OR2L13: variants seen among roughly 807,000 people sequenced by gnomAD.
OR2L13 encodes olfactory receptor family 2 subfamily L member 13, also known as olfactory receptor 2L13.
Under a neutral mutation model 15.3 loss-of-function variants are expected in OR2L13, and 14 were observed. That is an observed-to-expected ratio of 0.91 (90% CI 0.60 to 1.43). The LOEUF (loss-of-function observed/expected upper bound fraction) is 1.43. OR2L13 is among the 40% of genes most tolerant of loss of function. The pLI, the probability that OR2L13 is intolerant of heterozygous loss-of-function variation, is 0.00. For synonymous variants in OR2L13, 152 were observed against 142.9 expected, an observed-to-expected ratio of 1.06 and a Z score of -0.45; for missense variants, 367 against 387.9, an observed-to-expected ratio of 0.95 and a Z score of 0.45.
chr1:248,080,275 TTTTAA>T, the OR2L13 span, among the ~76,000 whole-genome samples: 2 of 152,164 alleles, frequency 1.3e-5, no homozygotes, highest in African/African-American at 4.8e-5. Context: ...TAGGTATTTA[TTTTAA>T]TTTATTAGAA....
chr1:248,005,457 G>A, the OR2L13 span, among the ~76,000 whole-genome samples: 3 of 152,066 alleles, frequency 2.0e-5, no homozygotes, highest in African/African-American at 4.8e-5. Context: ...CATGTTTGTA[G>A]TATAGTTTGA....
chr1:248,060,547 A>G, the OR2L13 span: 3 of 696,588 alleles, frequency 4.3e-6, no homozygotes, highest in African/African-American at 3.6e-5. Flanking sequence ...ATAATAGTGT[A>G]TATAGGGCTC....
the OR2L13 span, among the ~76,000 whole-genome samples, chr1:247,947,153 A>T: frequency 2.0e-5 from 3 of 152,292 alleles, no homozygotes; most frequent in East Asian, 3.9e-4. Context: ...AAGTTCTTTA[A>T]TGTTACGTGT....
chr1:248,095,874 G>A (rs1304234068), upstream of OR2L13, among the ~76,000 whole-genome samples: 2 of 150,840 alleles, frequency 1.3e-5, no homozygotes, highest in Non-Finnish European at 3.0e-5. Context: ...CAAAGTGCTG[G>A]GCTTACAGAC....
At chr1:248,006,120 C>T in the OR2L13 span, among the ~76,000 whole-genome samples, 6 of 152,192 alleles carry the variant, frequency 3.9e-5, no homozygotes, top group South Asian at 2.1e-4. Flanking sequence ...CTCTCTTCCC[C>T]GTTAGGGACA....
At chr1:248,022,921 T>C in the OR2L13 span, 1 of 1,554,956 alleles carries the variant, frequency 6.4e-7, no homozygotes, top group Non-Finnish European at 8.7e-7. Context: ...AGCGCTAGGT[T>C]CATATCAACT....
the OR2L13 span, among the ~76,000 whole-genome samples, chr1:248,078,252 G>A: frequency 3.3e-5 from 5 of 152,174 alleles, no homozygotes; most frequent in Admixed American, 2.0e-4. Flanking sequence ...GGAGGCTGAG[G>A]CGGGTGGATC....
chr1:247,938,562 A>G, the OR2L13 span, among the ~76,000 whole-genome samples: 1 of 152,208 alleles, frequency 6.6e-6, no homozygotes, highest in Non-Finnish European at 1.5e-5. Flanking sequence ...TAGGGCTAAA[A>G]AACATTTTTT....
At chr1:247,944,919 G>A in the OR2L13 span, among the ~76,000 whole-genome samples, 11 of 151,850 alleles carry the variant, frequency 7.2e-5, no homozygotes, top group African/African-American at 2.7e-4. Context: ...TCTTGCTAAT[G>A]ATCTATCTAT....
chr1:248,057,962 C>A, the OR2L13 span, among the ~76,000 whole-genome samples: 2 of 151,944 alleles, frequency 1.3e-5, no homozygotes, highest in Admixed American at 6.6e-5. Context: ...ATTTTTATTT[C>A]TTTTCTTGTT....
the OR2L13 span, among the ~76,000 whole-genome samples, chr1:248,069,570 C>T: frequency 9.9e-5 from 15 of 152,084 alleles, no homozygotes; most frequent in Admixed American, 4.6e-4. Flanking sequence ...CATCAACTGT[C>T]GAGCAAAATA....
the OR2L13 span, among the ~76,000 whole-genome samples, chr1:248,080,460 A>G: frequency 7.2e-5 from 11 of 152,180 alleles, no homozygotes; most frequent in African/African-American, 2.4e-4. Context: ...CCGGTGTGTG[A>G]TGTTCCCCTC....
chr1:248,003,902 T>C, the OR2L13 span: 11,952 of 1,612,814 alleles, frequency 7.4e-3, 98 homozygotes, highest in Non-Finnish European at 8.5e-3. Flanking sequence ...TGTCTACACC[T>C]ATCTACGTCC....
intron 1 of OR2L13, among the ~76,000 whole-genome samples, 159 bp from the exon 2 acceptor site, chr1:248,098,492 T>C (rs1664781381): frequency 6.6e-6 from 1 of 152,246 alleles, no homozygotes; most frequent in South Asian, 2.1e-4. Context: ...TTAGTGTTTA[T>C]TCCTTAGACA....
the OR2L13 span, among the ~76,000 whole-genome samples, chr1:247,969,803 A>G: frequency 6.6e-6 from 1 of 152,104 alleles, no homozygotes; most frequent in Admixed American, 6.6e-5. Context: ...CAGCAAAAGC[A>G]CCGATGAGAT....
At chr1:247,960,232 G>A in the OR2L13 span, among the ~76,000 whole-genome samples, 59 of 152,288 alleles carry the variant, frequency 3.9e-4, no homozygotes, top group African/African-American at 1.3e-3. Flanking sequence ...CTGGGTATCA[G>A]CAGCGGAGGC....
the OR2L13 span, among the ~76,000 whole-genome samples, chr1:248,059,462 C>CA: frequency 1.3e-5 from 2 of 152,086 alleles, no homozygotes; most frequent in African/African-American, 4.8e-5. Context: ...AAGGAAAAGA[C>CA]AAAATGTGTA....
chr1:248,055,101 G>T, the OR2L13 span, among the ~76,000 whole-genome samples: 2 of 152,122 alleles, frequency 1.3e-5, no homozygotes, highest in Admixed American at 6.5e-5. Flanking sequence ...TTATTATTTT[G>T]ATGTATGTTC....
At chr1:247,996,177 C>T in the OR2L13 span, among the ~76,000 whole-genome samples, 1 of 152,222 alleles carries the variant, frequency 6.6e-6, no homozygotes, top group African/African-American at 2.4e-5. Flanking sequence ...TGCTACCACT[C>T]CATGGGCAAT....
Sources: allele counts gnomAD v4.1 joint callset (sites outside exome capture counted in the v4.1 genomes callset), GRCh38; gene constraint gnomAD v4.1.1; transcripts MANE v1.5; gene names NCBI Gene and HGNC (gene_info 2026-07-23, HGNC 2026-07-21).